The following FAM219A variants were observed in gnomAD, a reference collection of about 807,000 sequenced individuals.
FAM219A encodes the protein protein FAM219A.
In FAM219A, 7 loss-of-function variants were observed where a neutral mutation model predicts 23.4. The ratio of observed to expected loss-of-function variants is 0.30; its 90% confidence interval spans 0.17 to 0.56. FAM219A has a LOEUF of 0.56. Ranked by LOEUF, FAM219A falls within the 20% of genes least tolerant of loss-of-function variation. The pLI, the probability that FAM219A is intolerant of heterozygous loss-of-function variation, is 0.92. For synonymous variants in FAM219A, 93 were observed against 99.0 expected, an observed-to-expected ratio of 0.94 and a Z score of 0.36; for missense variants, 166 against 246.9, an observed-to-expected ratio of 0.67 and a Z score of 2.20.
At chr9:34,428,716 C>G (rs750354823) in intron 1 of FAM219A, among the ~76,000 whole-genome samples, 1 of 152,232 alleles carries the variant, frequency 6.6e-6, no homozygotes, top group Non-Finnish European at 1.5e-5. Flanking sequence ...AGACTGAGAG[C>G]GAGCTCTGGC....
At chr9:34,428,337 G>A (rs1822562609) in intron 1 of FAM219A, among the ~76,000 whole-genome samples, 1 of 152,210 alleles carries the variant, frequency 6.6e-6, no homozygotes, top group African/African-American at 2.4e-5. Context: ...AGAGAGTAGG[G>A]CCTATGAACA....
intron 1 of FAM219A, among the ~76,000 whole-genome samples, chr9:34,406,644 C>T (rs1821646025): frequency 6.6e-6 from 1 of 152,200 alleles, no homozygotes; most frequent in African/African-American, 2.4e-5. Context: ...TAGTCTTTTG[C>T]TGCCCAGAGT....
At chr9:34,440,796 A>G (rs1227203702) in intron 1 of FAM219A, among the ~76,000 whole-genome samples, 1 of 150,802 alleles carries the variant, frequency 6.6e-6, no homozygotes, top group Non-Finnish European at 1.5e-5. Context: ...CTTGCAAGTG[A>G]GCCGAGATCG....
chr9:34,413,334 C>A (rs1168404454), intron 1 of FAM219A, among the ~76,000 whole-genome samples: 1 of 152,052 alleles, frequency 6.6e-6, no homozygotes, highest in African/African-American at 2.4e-5. Context: ...GGTAGTTGGC[C>A]AGAGTGGAAG....
At chr9:34,420,988 G>GTGTC (rs1177619881) in intron 1 of FAM219A, among the ~76,000 whole-genome samples, 11 of 132,326 alleles carry the variant, frequency 8.3e-5, no homozygotes, top group Non-Finnish European at 1.8e-4. Context: ...GTGTGTGTGT[G>GTGTC]TGTATGTGTG....
chr9:34,401,288 C>T (rs150424589), intron 5 of FAM219A, among the ~76,000 whole-genome samples, 166 bp from the exon 6 acceptor site: 8 of 152,284 alleles, frequency 5.3e-5, no homozygotes, highest in African/African-American at 9.6e-5. Context: ...CCTGCCTAGG[C>T]GCCCTCCTTC....
chr9:34,410,413 C>A (rs1821780892), intron 1 of FAM219A, among the ~76,000 whole-genome samples: 1 of 152,112 alleles, frequency 6.6e-6, no homozygotes, highest in African/African-American at 2.4e-5. Context: ...TGCCTGGAGT[C>A]TTAAGAAGGA....
intron 1 of FAM219A, among the ~76,000 whole-genome samples, chr9:34,421,521 C>T (rs1588048222): frequency 1.3e-5 from 2 of 152,030 alleles, no homozygotes; most frequent in South Asian, 4.1e-4. Context: ...TGACACTTAC[C>T]GGCTAACTCA....
chr9:34,434,265 C>A (rs1822826056), intron 1 of FAM219A, among the ~76,000 whole-genome samples: 1 of 150,018 alleles, frequency 6.7e-6, no homozygotes, highest in African/African-American at 2.4e-5. Flanking sequence ...AGTATCTCTC[C>A]AATCTTCCTA....
intron 1 of FAM219A, among the ~76,000 whole-genome samples, chr9:34,407,235 C>G (rs1028371595): frequency 6.6e-6 from 1 of 152,096 alleles, no homozygotes; most frequent in Non-Finnish European, 1.5e-5. Context: ...GGGGTGCTGC[C>G]ATCCTAGCTA....
chr9:34,421,009 TGAGAGA>T (rs143749316), intron 1 of FAM219A, among the ~76,000 whole-genome samples: 17 of 86,438 alleles, frequency 2.0e-4, no homozygotes, highest in Admixed American at 6.6e-4. Context: ...TGTGTGTGTG[TGAGAGA>T]GAGAGAGAGA....
At chr9:34,416,262 GGA>G (rs1822018946) in intron 1 of FAM219A, among the ~76,000 whole-genome samples, 2 of 112,832 alleles carry the variant, frequency 1.8e-5, no homozygotes, top group South Asian at 3.1e-4. Flanking sequence ...AAAGAAAGGG[GGA>G]GGGAGGGAGG....
rs200178804 is a variant in FAM219A, at chr9:34,401,016, G to C, written c.506C>G (p.Pro169Arg). 1 of 1,595,808 alleles carries C rather than the reference G, an allele frequency of 6.3e-7. No individual in the cohort carries two copies. The highest frequency in any genetic ancestry group is 1.7e-5 in the Admixed American group (1 of 58,758). ...LDLIPPKSVNPTCMCCQATSS... is the reference protein window; with the variant it reads ...LDLIPPKSVNRTCMCCQATSS... ...CGTGGCCTGGCAGCACATGCACGTG[G>C]GGTTCACGGACTTGGGGGGGATGAG... The change falls in exon 6 of 6, where the codon CCC becomes CGC. Residue 169 changes from proline (P) to arginine (R), a missense_variant. By Grantham distance (103) the Pro-to-Arg change is moderately radical. Around this residue, in one of 3 missense-constraint regions of FAM219A, gnomAD observed 72 missense variants for 131.0 expected, o/e 0.55. Coordinates refer to ENST00000651358, the MANE Select transcript of FAM219A (RefSeq NM_001184940.2).
chr9:34,426,056 T>C (rs1431887800), intron 1 of FAM219A, among the ~76,000 whole-genome samples: 1 of 152,196 alleles, frequency 6.6e-6, no homozygotes, highest in Non-Finnish European at 1.5e-5. Flanking sequence ...TGCAACCTTG[T>C]GGCTGTCAGA....
At chr9:34,406,774 A>G (rs1302079770) in intron 1 of FAM219A, among the ~76,000 whole-genome samples, 1 of 150,110 alleles carries the variant, frequency 6.7e-6, no homozygotes, top group Non-Finnish European at 1.5e-5. Context: ...CTAATCTCTA[A>G]TTGGGCTGGG....
intron 1 of FAM219A, among the ~76,000 whole-genome samples, chr9:34,419,142 G>A (rs1822153788): frequency 6.6e-6 from 1 of 152,112 alleles, no homozygotes; most frequent in African/African-American, 2.4e-5. Context: ...TTTATGTTAT[G>A]CATATTCTAA....
intron 1 of FAM219A, among the ~76,000 whole-genome samples, chr9:34,428,871 C>T (rs536562147): frequency 1.3e-5 from 2 of 152,376 alleles, no homozygotes; most frequent in South Asian, 4.1e-4. Context: ...GTAAGGGCCT[C>T]TGCTGGAAGC....
In FAM219A at chr9:34,458,363, T is replaced by C. The variant is rs1823846269; in HGVS notation, c.-100A>G. On this transcript the variant is annotated 5_prime_UTR_variant, in exon 1 of 6. Transcript: ENST00000651358. This position sits in a 1 kb window ranked among gnomAD's most constrained non-coding sequence, Gnocchi z 6.6. Reference sequence around the variant, plus strand: ...CAGGAGCCCGGCGGGTGGTGCAGACTAGGCCTCCCCGGACCACTCGGGCGG... The same window carrying C: ...CAGGAGCCCGGCGGGTGGTGCAGACCAGGCCTCCCCGGACCACTCGGGCGG... The C allele has an allele frequency of 2.3e-6, 2 of 858,964 alleles. No homozygotes were observed. The highest frequency in any genetic ancestry group is 3.0e-6 in the Non-Finnish European group (2 of 662,564). The allele number at this position is 858,964 out of a possible 1,614,324, so 53.2% of individuals were successfully genotyped here.
chr9:34,398,187 C>A lies in FAM219A; in HGVS notation c.*2777G>T. The stretch of plus-strand genomic sequence containing the variant: ...ACCCCAGGGAGGGAGCTGAGGCTGG[C>A]TTGTTTGATGCTTTTAATATCATTA... On this transcript the variant is annotated 3_prime_UTR_variant, in exon 6 of 6. Coordinates refer to ENST00000651358, the MANE Select transcript of FAM219A (RefSeq NM_001184940.2). The A allele has an allele frequency of 7.0e-7, 1 of 1,420,474 alleles. No homozygotes were observed. The highest frequency in any genetic ancestry group is 1.2e-5 in the South Asian group (1 of 80,612). 88.0% of individuals were successfully genotyped at this position (1,420,474 alleles called of 1,614,324 possible). A position where few individuals can be genotyped will look rare whatever the true frequency, so the allele number is the denominator to read the frequency against.
Sources: gnomAD v4.1 joint callset for allele counts (sites outside exome capture counted in the v4.1 genomes callset) on GRCh38, gnomAD v4.1.1 for gene constraint, gnomAD v4.1.1 regional missense constraint, Gnocchi (gnomAD v3.1) non-coding constraint, MANE v1.5 for transcripts, NCBI Gene and HGNC (gene_info 2026-07-23, HGNC 2026-07-21) for gene names.